PITPNM3: variants seen among roughly 807,000 people sequenced by gnomAD.
PITPNM3 encodes the protein membrane-associated phosphatidylinositol transfer protein 3.
In PITPNM3, 26 loss-of-function variants were observed where a neutral mutation model predicts 102.0. The observed-to-expected ratio is 0.25, with a 90% CI of 0.19 to 0.35. The LOEUF is 0.35. Ranked by LOEUF, PITPNM3 falls within the 10% of genes least tolerant of loss-of-function variation. The pLI, the probability that PITPNM3 is intolerant of heterozygous loss-of-function variation, is 1.00. For synonymous variants in PITPNM3, 578 were observed against 558.6 expected (o/e 1.03, Z -0.49); for missense variants, 1,083 against 1,346.1 (o/e 0.80, Z 3.06).
chr17:6,457,509 A>C lies in PITPNM3; in HGVS notation c.2619+85T>G. 6.3e-7 allele frequency: 1 copy of C among 1,585,052 alleles called. No homozygotes were observed. Among genetic ancestry groups the C allele is most frequent in the Non-Finnish European group, 8.6e-7 (1 of 1,160,260 alleles). On this transcript the variant is annotated intron_variant, in intron 19 of 19. Transcript: ENST00000262483. The surrounding 1 kb of genome is among the most constrained non-coding windows in gnomAD (Gnocchi z 4.7). ...AAATGGGGGAATGAACAAATGAATG[A>C]ATGAATGAATGAAGTGCTTACTCCC...
rs528780269 is a variant in PITPNM3 at position 6,516,338 on chromosome 17, C to A, written c.226+9018G>T. On this transcript the variant is annotated intron_variant, in intron 3 of 19. Transcript: ENST00000262483. ...CAGCACTTTGGGAGGCCATGGCGGG[C>A]GGATCATGAGGTCAGGAGATTGAGA... Among the ~76,000 whole-genome samples the A allele has an allele frequency of 4.6e-5, 7 of 151,990 alleles. No homozygotes were observed. In the South Asian group the frequency reaches 6.2e-4, roughly 14 times the overall value.
At position 6,477,266 on chromosome 17, in the gene PITPNM3, T is replaced by G. The variant is rs575036661; in HGVS notation, c.901-53A>C. On this transcript the variant is annotated intron_variant, in intron 8 of 19. Coordinates refer to ENST00000262483, the MANE Select transcript of PITPNM3 (RefSeq NM_031220.4). ...GAAAAAGACTGTTGTCACGGGAGAC[T>G]CTGGGGCCTTGTCTCCTCCCCCCAA... The G allele has an allele frequency of 1.3e-3, 1,966 of 1,571,088 alleles. 3 individuals carry two copies. Among genetic ancestry groups the G allele is most frequent in the Admixed American group, 1.7e-3 (100 of 59,490 alleles).
rs1913977084 is a variant in PITPNM3, at chr17:6,454,079, A to G, written c.*1259T>C. ...TGAGCAGCAGGGGAAAGGGAAGAGA[A>G]TACAACAGTTGGAGCCAAACTTCCA... On this transcript the variant is annotated 3_prime_UTR_variant, in exon 20 of 20. Coordinates refer to ENST00000262483, the MANE Select transcript of PITPNM3 (RefSeq NM_031220.4). 6.6e-6 allele frequency: 1 copy of G among 152,402 alleles called. No homozygotes were observed. The highest frequency in any genetic ancestry group is 1.5e-5 in the Non-Finnish European group (1 of 68,168). 9.4% of individuals were successfully genotyped at this position (152,402 alleles called of 1,614,324 possible).
chr17:6,496,014 G>T (rs1337394625), intron 4 of PITPNM3, among the ~76,000 whole-genome samples: 1 of 152,160 alleles, frequency 6.6e-6, no homozygotes, highest in Non-Finnish European at 1.5e-5. Flanking sequence ...GGGCAAGGGA[G>T]CCCCCTCCAT....
At position 6,472,645 on chromosome 17, in the gene PITPNM3, C is replaced by G. The variant is rs764498469; in HGVS notation, c.1429+12G>C. On this transcript the variant is annotated intron_variant, in intron 11 of 19. Coordinates refer to ENST00000262483, the MANE Select transcript of PITPNM3 (RefSeq NM_031220.4). The surrounding 1 kb of genome is among the most constrained non-coding windows in gnomAD (Gnocchi z 4.1). ...CAGCTCAGCACACTCTCTCCCACCC[C>G]CAAGAACCTACCGAGGAGGAGGGAC... 20 of 1,610,434 alleles carry G rather than the reference C, an allele frequency of 1.2e-5. 1 individual carries two copies. The East Asian group carries it at 4.2e-4, about 34-fold the overall frequency.
chr17:6,551,665 C>A (rs1459210338), intron 1 of PITPNM3, among the ~76,000 whole-genome samples: 2 of 151,972 alleles, frequency 1.3e-5, no homozygotes, highest in Non-Finnish European at 2.9e-5. Flanking sequence ...TACTTGAGGC[C>A]CAGAGTTTGA....
chr17:6,517,586 G>A lies in PITPNM3; in HGVS notation c.226+7770C>T, dbSNP rs1908258485. Among the ~76,000 whole-genome samples, 1 of 151,902 alleles carries A rather than the reference G, an allele frequency of 6.6e-6. No individual in the cohort carries two copies. The highest frequency in any genetic ancestry group is 2.1e-4 in the South Asian group (1 of 4,820). Reference sequence around the variant, plus strand: ...TTAATTTTTTTTTTTTTGAGACAGGGGCTCATTCTGTCACCCAGGCTGGGT... The same window carrying A: ...TTAATTTTTTTTTTTTTGAGACAGGAGCTCATTCTGTCACCCAGGCTGGGT... On this transcript the variant is annotated intron_variant, in intron 3 of 19. Coordinates refer to ENST00000262483, the MANE Select transcript of PITPNM3 (RefSeq NM_031220.4). This position sits in a 1 kb window ranked among gnomAD's most constrained non-coding sequence, Gnocchi z 4.1.
rs1597359295 is a variant in PITPNM3, at chr17:6,459,862, C to T, written c.2490+1511G>A. 6.6e-6 allele frequency among the ~76,000 whole-genome samples: 1 copy of T among 152,080 alleles called. No homozygotes were observed. The highest frequency in any genetic ancestry group is 1.9e-4 in the East Asian group (1 of 5,182). On this transcript the variant is annotated intron_variant, in intron 18 of 19. Coordinates refer to ENST00000262483, the MANE Select transcript of PITPNM3 (RefSeq NM_031220.4). The surrounding 1 kb of genome is among the most constrained non-coding windows in gnomAD (Gnocchi z 5.0). The stretch of plus-strand genomic sequence containing the variant: ...AGCCCCGACTATTCCACCTCCTAAT[C>T]CTGTCCATGTTTTTCTCTCCATCCC...
At chr17:6,456,037 T>A (rs544632760) in intron 19 of PITPNM3, among the ~76,000 whole-genome samples, 40 of 152,066 alleles carry the variant, frequency 2.6e-4, no homozygotes, top group Admixed American at 6.5e-4. Flanking sequence ...TTAATTTATT[T>A]ATTTGAGAAA....
At chr17:6,549,261 C>T (rs1028962226) in intron 1 of PITPNM3, among the ~76,000 whole-genome samples, 3 of 152,210 alleles carry the variant, frequency 2.0e-5, no homozygotes, top group African/African-American at 7.2e-5. Context: ...TTCACTCACA[C>T]TGTGCCAACT....
At chr17:6,547,877 C>T (rs560075071) in intron 1 of PITPNM3, among the ~76,000 whole-genome samples, 1 of 152,068 alleles carries the variant, frequency 6.6e-6, no homozygotes, top group South Asian at 2.1e-4. Flanking sequence ...TACAGGCATG[C>T]ACCACCATGC....
intron 6 of PITPNM3, chr17:6,481,311 T>C (rs540027715): frequency 4.7e-5 from 7 of 150,506 alleles, no homozygotes; most frequent in Non-Finnish European, 8.8e-5. Context: ...AGTATCCCCA[T>C]GGCTAGATCC....
chr17:6,461,825 A>G (rs1904475528), intron 17 of PITPNM3, among the ~76,000 whole-genome samples: 1 of 151,794 alleles, frequency 6.6e-6, no homozygotes. Flanking sequence ...AGTCAGAGAC[A>G]GGCGCCTTTC....
intron 14 of PITPNM3, among the ~76,000 whole-genome samples, chr17:6,467,067 CA>C (rs1408443729): frequency 0.067 from 329 of 4,946 alleles, 7 homozygotes; most frequent in African/African-American, 0.2. Context: ...CGTCTCAAAA[CA>C]AAAAAAAAAA....
Position 6,468,189 on chromosome 17 carries a change from C to T in PITPNM3, c.1890+36G>A, listed in dbSNP as rs1159391868. 6.3e-7 allele frequency: 1 copy of T among 1,598,694 alleles called. No homozygotes were observed. On this transcript the variant is annotated intron_variant, in intron 14 of 19. Coordinates refer to ENST00000262483, the MANE Select transcript of PITPNM3 (RefSeq NM_031220.4). This position sits in a 1 kb window ranked among gnomAD's most constrained non-coding sequence, Gnocchi z 5.2. ...GGCCAGCCCCACCTCCCGGAGGACACAGTCCCAGCCACATGCGAACTGAGC... is the reference window on the plus strand; with the variant it reads ...GGCCAGCCCCACCTCCCGGAGGACATAGTCCCAGCCACATGCGAACTGAGC...
chr17:6,536,601 C>T (rs1909448484), intron 2 of PITPNM3, among the ~76,000 whole-genome samples: 1 of 152,184 alleles, frequency 6.6e-6, no homozygotes, highest in Non-Finnish European at 1.5e-5. Context: ...ATCACCCAAA[C>T]TGAGTCTTCT....
chr17:6,489,225 T>C (rs1906280808), intron 4 of PITPNM3, among the ~76,000 whole-genome samples: 1 of 152,080 alleles, frequency 6.6e-6, no homozygotes, highest in South Asian at 2.1e-4. Flanking sequence ...GCTGTCTCCC[T>C]CTCTCTTGCT....
At chr17:6,521,553 A>G (rs2150637136) in intron 3 of PITPNM3, 1 of 152,112 alleles carries the variant, frequency 6.6e-6, no homozygotes, top group East Asian at 1.9e-4. Context: ...AACAATTGTA[A>G]AATAATAGTA....
chr17:6,541,864 A>G (rs1909747559), intron 1 of PITPNM3, among the ~76,000 whole-genome samples: 1 of 152,242 alleles, frequency 6.6e-6, no homozygotes, highest in East Asian at 1.9e-4. Flanking sequence ...AAATGAATAA[A>G]AATGATTTGC....
Sources: allele counts gnomAD v4.1 joint callset (sites outside exome capture counted in the v4.1 genomes callset), GRCh38; gene constraint gnomAD v4.1.1; non-coding constraint Gnocchi (gnomAD v3.1); transcripts MANE v1.5; gene names NCBI Gene and HGNC (gene_info 2026-07-23, HGNC 2026-07-21).